Variants in CORO1C observed in about 807,000 individuals in gnomAD.
The protein encoded by CORO1C is coronin 1C.
A neutral mutation model predicts 51.2 loss-of-function variants in CORO1C; 14 were observed. The ratio of observed to expected loss-of-function variants is 0.27; its 90% confidence interval spans 0.18 to 0.43. The LOEUF (loss-of-function observed/expected upper bound fraction) is 0.43. Ranked by LOEUF, CORO1C falls within the 20% of genes least tolerant of loss-of-function variation. CORO1C has a pLI of 1.00. For synonymous variants in CORO1C, 181 were observed against 210.5 expected (o/e 0.86, Z 1.21); for missense variants, 417 against 607.8 (o/e 0.69, Z 3.30).
At chr12:108,686,332 A>T (rs1008508752) in intron 2 of CORO1C, among the ~76,000 whole-genome samples, 1 of 152,262 alleles carries the variant, frequency 6.6e-6, no homozygotes, top group African/African-American at 2.4e-5. Flanking sequence ...AAATGAATGC[A>T]GAGGCTGAAA....
At position 108,658,979 on chromosome 12, in the gene CORO1C, G is replaced by A. The variant is rs2033142489; in HGVS notation, c.449-60C>T. ...TAGAAACACCTATGTAACACACTCA[G>A]AAAACTACAGATACAGTGAGAATAC... On this transcript the variant is annotated intron_variant, in intron 4 of 10. Transcript: ENST00000261401. The surrounding 1 kb of genome is among the most constrained non-coding windows in gnomAD (Gnocchi z 4.9). The A allele has an allele frequency of 4.6e-6, 7 of 1,518,594 alleles. No homozygotes were observed. The South Asian group carries it at 7.2e-5, about 16-fold the overall frequency. 94.1% of individuals were successfully genotyped at this position (1,518,594 alleles called of 1,614,324 possible).
At chr12:108,671,345 TG>T (rs1263344973) in intron 3 of CORO1C, among the ~76,000 whole-genome samples, 3 of 145,182 alleles carry the variant, frequency 2.1e-5, no homozygotes, top group Non-Finnish European at 4.5e-5. Flanking sequence ...AGAAAAGGAG[TG>T]GGGGGAGGAA....
chr12:108,701,951 A>C (rs2034884177), intron 1 of CORO1C: 1 of 156,952 alleles, frequency 6.4e-6, no homozygotes, highest in Admixed American at 6.2e-5. Context: ...AGACGTAATA[A>C]TCAGAGCAAC....
intron 7 of CORO1C, chr12:108,652,927 A>T: frequency 6.7e-6 from 1 of 149,030 alleles, no homozygotes; most frequent in Admixed American, 6.7e-5. Flanking sequence ...GTGCCATCTC[A>T]TGGCAATGTG....
chr12:108,710,450 T>G lies in CORO1C; in HGVS notation c.-5-9127A>C, dbSNP rs537234109. Among the ~76,000 whole-genome samples, 9 of 152,348 alleles carry G rather than the reference T, an allele frequency of 5.9e-5. No homozygotes were observed. The East Asian group carries it at 1.7e-3, about 29-fold the overall frequency. On this transcript the variant is annotated intron_variant, in intron 1 of 10. Transcript: ENST00000261401. ...CTATCCAGCAACTGTCATAATAAAT[T>G]TTTAATAAGGAGATAACACACTCCT...
intron 1 of CORO1C, among the ~76,000 whole-genome samples, chr12:108,727,744 G>A (rs1167469123): frequency 6.6e-6 from 1 of 152,012 alleles, no homozygotes; most frequent in African/African-American, 2.4e-5. Flanking sequence ...TTCATAAATT[G>A]GAAATCATCA....
At chr12:108,703,458 C>T (rs553161241) in intron 1 of CORO1C, among the ~76,000 whole-genome samples, 258 of 152,244 alleles carry the variant, frequency 1.7e-3, no homozygotes, top group African/African-American at 6.0e-3. Context: ...AAAGAGGCTA[C>T]AAGAGAGCAA....
chr12:108,681,501 G>C (rs2034122818), intron 2 of CORO1C, among the ~76,000 whole-genome samples: 1 of 152,176 alleles, frequency 6.6e-6, no homozygotes. Context: ...TAATTAGACT[G>C]ATTGTGAGCA....
chr12:108,661,575 T>A (rs2033263572), intron 4 of CORO1C, among the ~76,000 whole-genome samples: 1 of 151,998 alleles, frequency 6.6e-6, no homozygotes, highest in African/African-American at 2.4e-5. Context: ...ACAGTATACA[T>A]GTACTAATTG....
Position 108,647,290 on chromosome 12 carries a change from T to C in CORO1C, c.*113A>G. On this transcript the variant is annotated 3_prime_UTR_variant, in exon 11 of 11. Coordinates refer to ENST00000261401, the MANE Select transcript of CORO1C (RefSeq NM_014325.4). ...GCTGGTTGACAAATCTGAAATGGAA[T>C]GTCTCCAAATGGCAGTGCCTCCCTT... 1.1e-6 allele frequency: 1 copy of C among 919,648 alleles called. No individual in the cohort carries two copies. The highest frequency in any genetic ancestry group is 1.6e-6 in the Non-Finnish European group (1 of 630,476). The allele number at this position is 919,648 out of a possible 1,614,324, so 57.0% of individuals were successfully genotyped here.
rs2033114680 is a variant in CORO1C, at chr12:108,658,368, G to C, written c.630+370C>G. 6.6e-6 allele frequency among the ~76,000 whole-genome samples: 1 copy of C among 152,090 alleles called. No homozygotes were observed. The highest frequency in any genetic ancestry group is 1.5e-5 in the Non-Finnish European group (1 of 68,024). On this transcript the variant is annotated intron_variant, in intron 5 of 10. Coordinates refer to ENST00000261401, the MANE Select transcript of CORO1C (RefSeq NM_014325.4). The surrounding 1 kb of genome is among the most constrained non-coding windows in gnomAD (Gnocchi z 4.9). ...GCCACCTGTTGCATCTTTAACAGCT[G>C]TGTTTGGAAAAGGGTGAGGAATTGA...
intron 2 of CORO1C, among the ~76,000 whole-genome samples, chr12:108,693,389 GAC>G (rs971122547): frequency 3.7e-4 from 56 of 152,258 alleles, no homozygotes; most frequent in African/African-American, 1.2e-3. Flanking sequence ...CCATCAACGT[GAC>G]AGAAGTCACT....
intron 1 of CORO1C, among the ~76,000 whole-genome samples, chr12:108,706,206 A>C (rs2035027877): frequency 1.4e-5 from 2 of 148,018 alleles, no homozygotes; most frequent in South Asian, 2.2e-4. Flanking sequence ...CAAAAAAAAC[A>C]AAAAAAAAGC....
At chr12:108,681,149 T>C (rs1274420341) in intron 2 of CORO1C, among the ~76,000 whole-genome samples, 1 of 152,188 alleles carries the variant, frequency 6.6e-6, no homozygotes, top group African/African-American at 2.4e-5. Flanking sequence ...TATAGGTGTG[T>C]GCCACCATGC....
intron 2 of CORO1C, among the ~76,000 whole-genome samples, chr12:108,692,109 G>A (rs1318676102): frequency 2.0e-5 from 3 of 151,836 alleles, no homozygotes; most frequent in South Asian, 2.1e-4. Context: ...CTGGCAGCTC[G>A]TGACATAATT....
At chr12:108,706,186 C>A (rs1416970516) in intron 1 of CORO1C, among the ~76,000 whole-genome samples, 338 of 118,494 alleles carry the variant, frequency 2.9e-3, no homozygotes, top group East Asian at 8.1e-3. Context: ...GACTCTGAAT[C>A]AAAAAAAAAC....
chr12:108,656,402 G>A (rs1432687261), intron 6 of CORO1C, among the ~76,000 whole-genome samples: 10 of 149,952 alleles, frequency 6.7e-5, no homozygotes, highest in South Asian at 2.1e-4. Flanking sequence ...GCCCCCGCCC[G>A]GCCAGCAGCC....
At chr12:108,710,230 G>A (rs908431193) in intron 1 of CORO1C, among the ~76,000 whole-genome samples, 34 of 152,198 alleles carry the variant, frequency 2.2e-4, no homozygotes, top group African/African-American at 7.5e-4. Context: ...CTCTCTGGGC[G>A]TTGGTTGAAA....
Position 108,678,302 on chromosome 12 carries a change from A to G in CORO1C, c.288T>C (p.Ile96=), listed in dbSNP as rs1380407325. 6.2e-7 allele frequency: 1 copy of G among 1,613,470 alleles called. No homozygotes were observed. Residue 96 remains isoleucine, a synonymous_variant, in exon 3 of 11, where the codon ATT becomes ATC. Coordinates refer to ENST00000261401, the MANE Select transcript of CORO1C (RefSeq NM_014325.4). ...IDWCPHNDQV[I]ASGSEDCTVM... is the part of the protein sequence containing the mutation. ...CCGTGCAGTCCTCTGAACCGCTGGC[A>G]ATGACCTGATCGTTATGTGGGCACC...
Sources: allele counts gnomAD v4.1 joint callset (sites outside exome capture counted in the v4.1 genomes callset), GRCh38; gene constraint gnomAD v4.1.1; non-coding constraint Gnocchi (gnomAD v3.1); transcripts MANE v1.5; gene names NCBI Gene and HGNC (gene_info 2026-07-23, HGNC 2026-07-21).